SH2D5: variants seen among roughly 807,000 people sequenced by gnomAD.
The protein encoded by SH2D5 is SH2 domain containing 5.
A neutral mutation model predicts 48.2 loss-of-function variants in SH2D5; 45 were observed. The observed-to-expected ratio is 0.93, with a 90% CI of 0.73 to 1.20. The LOEUF (loss-of-function observed/expected upper bound fraction) is 1.20. Ranked by LOEUF, SH2D5 falls within the 50% of genes most tolerant of loss-of-function variation. The pLI is 0.00. For missense variants in SH2D5, 538 were observed against 584.1 expected, an observed-to-expected ratio of 0.92 and a Z score of 0.81; for synonymous variants, 230 against 249.8, an observed-to-expected ratio of 0.92 and a Z score of 0.75.
intron 5 of SH2D5, among the ~76,000 whole-genome samples, chr1:20,725,101 TG>T (rs2054769924): frequency 6.6e-6 from 1 of 152,216 alleles, no homozygotes; most frequent in African/African-American, 2.4e-5. Context: ...CCCACCTCCC[TG>T]TGCCCCTTTG....
At chr1:20,731,832 C>G (rs1054930165) in intron 1 of SH2D5, among the ~76,000 whole-genome samples, 1 of 152,040 alleles carries the variant, frequency 6.6e-6, no homozygotes, top group East Asian at 1.9e-4. Context: ...GCAGAGTCCC[C>G]GGACCCAGGA....
Position 20,728,142 on chromosome 1 carries a change from C to T in SH2D5, c.-42-56G>A. On this transcript the variant is annotated intron_variant, in intron 1 of 9. Transcript: ENST00000444387. The surrounding 1 kb of genome is among the most constrained non-coding windows in gnomAD (Gnocchi z 4.3). ...TCGAGGCAGGCAAGCCACAGAGTGC[C>T]CCCCACAGGCCATTCATTCACTGGC... 1.3e-6 allele frequency: 1 copy of T among 778,626 alleles called. No individual in the cohort carries two copies. The highest frequency in any genetic ancestry group is 2.1e-6 in the Non-Finnish European group (1 of 484,918). The allele number at this position is 778,626 out of a possible 1,614,324, so 48.2% of individuals were successfully genotyped here.
At chr1:20,727,158 G>A (rs1411312829) in intron 3 of SH2D5, 83 bp from the exon 4 acceptor site, 1 of 1,239,136 alleles carries the variant, frequency 8.1e-7, no homozygotes, top group Non-Finnish European at 1.1e-6. Flanking sequence ...ATCCACCAAA[G>A]GCTGGTCAGC....
chr1:20,723,944 C>T, intron 7 of SH2D5, 139 bp downstream of exon 7: 3 of 1,167,424 alleles, frequency 2.6e-6, no homozygotes, highest in Non-Finnish European at 3.6e-6. Flanking sequence ...CAGGCAAACA[C>T]ACACAGTGCA....
chr1:20,728,173 G>A lies in SH2D5; in HGVS notation c.-42-87C>T. Reference sequence around the variant, plus strand: ...CAGGCCATTCATTCACTGGCTTCCTGAGCAGCTGCTATGTGTGCAGCACGG... The same window carrying A: ...CAGGCCATTCATTCACTGGCTTCCTAAGCAGCTGCTATGTGTGCAGCACGG... On this transcript the variant is annotated intron_variant, in intron 1 of 9. Coordinates refer to ENST00000444387, the MANE Select transcript of SH2D5 (RefSeq NM_001103161.2). The surrounding 1 kb of genome is among the most constrained non-coding windows in gnomAD (Gnocchi z 4.3). 1 of 661,988 alleles carries A rather than the reference G, an allele frequency of 1.5e-6. No individual in the cohort carries two copies. The highest frequency in any genetic ancestry group is 2.6e-6 in the Non-Finnish European group (1 of 385,636). 41.0% of individuals were successfully genotyped at this position (661,988 alleles called of 1,614,324 possible). A position where few individuals can be genotyped will look rare whatever the true frequency, so the allele number is the denominator to read the frequency against.
Position 20,721,939 on chromosome 1 carries a change from A to G in SH2D5, c.1125T>C (p.Thr375=), listed in dbSNP as rs1242639008. ...LEALVENHAV[T]ERSLFCPLDM... is the part of the protein sequence containing the mutation. ...CGAGGGGACAGAAGAGGCTACGTTC[A>G]GTAACCGCGTGGTTCTCCACCAGAG... The change falls in exon 10 of 10, where the codon ACT becomes ACC. Residue 375 remains threonine (T), a synonymous_variant. Transcript: ENST00000444387. 6.2e-7 allele frequency: 1 copy of G among 1,613,178 alleles called. No homozygotes were observed. The highest frequency in any genetic ancestry group is 8.5e-7 in the Non-Finnish European group (1 of 1,179,988).
At chr1:20,722,045 C>G in intron 9 of SH2D5, 50 bp from the exon 10 acceptor site, 4 of 1,554,160 alleles carry the variant, frequency 2.6e-6, no homozygotes, top group Non-Finnish European at 3.5e-6. Context: ...AGGGCTCACG[C>G]CAGGCACCAG....
rs1227369346 is a variant in SH2D5, at chr1:20,727,133, C to A, written c.169-58G>T. ...ACCTCCCAGACCCTGCCTTGGCCTG[C>A]CCAGCCTCAGGACCATCCACCAAAG... On this transcript the variant is annotated intron_variant, in intron 3 of 9. Transcript: ENST00000444387. The A allele has an allele frequency of 2.1e-6, 3 of 1,455,440 alleles. No homozygotes were observed. In the African/African-American group the frequency reaches 4.2e-5, roughly 20 times the overall value. The allele number at this position is 1,455,440 out of a possible 1,614,324, so 90.2% of individuals were successfully genotyped here.
rs532651383 is a variant in SH2D5 at position 20,730,457 on chromosome 1, G to T, written c.-43+1724C>A. Among the ~76,000 whole-genome samples the T allele has an allele frequency of 1.2e-4, 18 of 152,336 alleles. 1 individual carries two copies. The highest frequency in any genetic ancestry group is 4.3e-4 in the African/African-American group (18 of 41,578). ...AAAGCTGCAGCTTTCAGCGTCCCCA[G>T]TGTCCCAGCGGTGGGGGTGCAGAGG... On this transcript the variant is annotated intron_variant, in intron 1 of 9. Transcript: ENST00000444387.
In SH2D5 at chr1:20,724,487, C is replaced by G. The variant is rs571453152; in HGVS notation, c.539G>C (p.Arg180Pro). The G allele has an allele frequency of 6.2e-7, 1 of 1,612,768 alleles. No homozygotes were observed. The highest frequency in any genetic ancestry group is 1.3e-5 in the African/African-American group (1 of 75,070). ...KPLSSSGGLV[R>P]EPFGRDQLSQ... ...GAGCTGATCACGGCCGAAGGGCTCC[C>G]GCACCAGGCCCCCAGAGCTGGACAG... Residue 180 changes from arginine to proline, a missense_variant, in exon 6 of 10, where the codon CGG becomes CCG. Physicochemically the swap from Arg to Pro is moderately radical, Grantham distance 103. Transcript: ENST00000444387.
chr1:20,722,932 G>A lies in SH2D5; in HGVS notation c.909-17C>T. On this transcript the variant is annotated splice_polypyrimidine_tract_variant and intron_variant, in intron 8 of 9. Transcript: ENST00000444387. ...GCACAGGGCCTAGGAGCACAGAGGGGAGAGAGTAAAGGCTGGACTGCTCTC... is the reference window on the plus strand; with the variant it reads ...GCACAGGGCCTAGGAGCACAGAGGGAAGAGAGTAAAGGCTGGACTGCTCTC... The A allele has an allele frequency of 6.4e-7, 1 of 1,550,608 alleles. No homozygotes were observed. The highest frequency in any genetic ancestry group is 8.7e-7 in the Non-Finnish European group (1 of 1,146,400).
chr1:20,727,197 G>T, intron 3 of SH2D5, 122 bp from the exon 4 acceptor site: 3 of 823,090 alleles, frequency 3.6e-6, no homozygotes, highest in Non-Finnish European at 5.6e-6. Flanking sequence ...CAGGGGGTGG[G>T]GCCCTGGCTG....
In SH2D5 at chr1:20,721,947, C is replaced by T. The variant is rs749632362; in HGVS notation, c.1117G>A (p.Ala373Thr). Residue 373 changes from alanine (A) to threonine (T), a missense_variant, in exon 10 of 10, where the codon GCG (alanine) becomes ACG (threonine). Transcript: ENST00000444387. ...PSLEALVENH[A>T]VTERSLFCPL... ...CAGAAGAGGCTACGTTCAGTAACCG[C>T]GTGGTTCTCCACCAGAGCCTCCAGG... 1.2e-4 allele frequency: 186 copies of T among 1,612,988 alleles called. No homozygotes were observed. Among genetic ancestry groups the T allele is most frequent in the Non-Finnish European group, 1.5e-4 (177 of 1,179,950 alleles).
chr1:20,723,672 C>T lies in SH2D5; in HGVS notation c.862G>A (p.Glu288Lys), dbSNP rs764616867. The T allele has an allele frequency of 1.9e-6, 3 of 1,613,030 alleles. No individual in the cohort carries two copies. The highest frequency in any genetic ancestry group is 1.7e-5 in the Admixed American group (1 of 60,004). Residue 288 changes from glutamate to lysine, a missense_variant, in exon 8 of 10, where the codon GAG (glutamate) becomes AAG (lysine). By Grantham distance (56) the Glu-to-Lys change is moderately conservative (BLOSUM62 1). Coordinates refer to ENST00000444387, the MANE Select transcript of SH2D5 (RefSeq NM_001103161.2). The stretch of plus-strand genomic sequence containing the variant: ...CAGATGTTCTCCGTCAGGCTGCCCT[C>T]GCTCTCCACCAGGCACGAGTGGCCA... ...PGGHSCLVES[E>K]GSLTENIWAF...
At position 20,721,900 on chromosome 1, in the gene SH2D5, C is replaced by T; in HGVS notation, c.1164G>A (p.Leu388=). Residue 388 remains leucine, a synonymous_variant, in exon 10 of 10, where the codon CTG becomes CTA. Coordinates refer to ENST00000444387, the MANE Select transcript of SH2D5 (RefSeq NM_001103161.2). ...AGTCCTGCTCCTCGTAGGTGGGGTTCAGGCGGCCCATGTCGAGGGGACAGA... is the reference window on the plus strand; with the variant it reads ...AGTCCTGCTCCTCGTAGGTGGGGTTTAGGCGGCCCATGTCGAGGGGACAGA... ...SLFCPLDMGR[L]NPTYEEQDCG... 1.9e-6 allele frequency: 3 copies of T among 1,613,186 alleles called. No homozygotes were observed. The highest frequency in any genetic ancestry group is 2.2e-5 in the East Asian group (1 of 44,890).
Position 20,727,119 on chromosome 1 carries a change from C to T in SH2D5, c.169-44G>A, listed in dbSNP as rs768518761. ...TGGGGACAGGCACCACCTCCCAGAC[C>T]CTGCCTTGGCCTGCCCAGCCTCAGG... On this transcript the variant is annotated intron_variant, in intron 3 of 9. Transcript: ENST00000444387. The T allele has an allele frequency of 9.3e-6, 14 of 1,502,014 alleles. No individual in the cohort carries two copies. In the African/African-American group the frequency reaches 1.6e-4, roughly 18 times the overall value. The allele number at this position is 1,502,014 out of a possible 1,614,324, so 93.0% of individuals were successfully genotyped here. A position where few individuals can be genotyped will look rare whatever the true frequency, so the allele number is the denominator to read the frequency against.
At chr1:20,725,467 G>A (rs895685195) in intron 5 of SH2D5, among the ~76,000 whole-genome samples, 2 of 152,278 alleles carry the variant, frequency 1.3e-5, no homozygotes, top group East Asian at 1.9e-4. Flanking sequence ...ACCCAGACTC[G>A]GCTCTCAAAG....
rs376493953 is a variant in SH2D5, at chr1:20,728,033, C to A, written c.12G>T (p.Ala4=). 1.3e-6 allele frequency: 2 copies of A among 1,549,234 alleles called. No homozygotes were observed. Among genetic ancestry groups the A allele is most frequent in the East Asian group, 2.4e-5 (1 of 41,280 alleles). Residue 4 remains alanine, a synonymous_variant, in exon 2 of 10, where the codon GCG becomes GCT. Transcript: ENST00000444387. The surrounding 1 kb of genome is among the most constrained non-coding windows in gnomAD (Gnocchi z 4.3). MQK[A]GAGGRRASDC... ...CAGAGGCCCTGCGGCCCCCAGCCCC[C>A]GCCTTCTGCATGGCCCCCAGGGTGC...
At chr1:20,726,186 C>A in intron 4 of SH2D5, 120 bp from the exon 5 acceptor site, 1 of 1,228,622 alleles carries the variant, frequency 8.1e-7, no homozygotes, top group South Asian at 1.6e-5. Flanking sequence ...CTCAAGCCCT[C>A]ATCCTTCACA....
Sources: gnomAD v4.1 joint callset for allele counts (sites outside exome capture counted in the v4.1 genomes callset) on GRCh38, gnomAD v4.1.1 for gene constraint, Gnocchi (gnomAD v3.1) non-coding constraint, MANE v1.5 for transcripts, NCBI Gene and HGNC (gene_info 2026-07-23, HGNC 2026-07-21) for gene names.